The following TFCP2L1 variants were observed in gnomAD, a reference collection of about 807,000 sequenced individuals.
TFCP2L1 encodes the protein transcription factor CP2 like 1.
Under a neutral mutation model 72.2 loss-of-function variants are expected in TFCP2L1, and 12 were observed. The ratio of observed to expected loss-of-function variants is 0.17; its 90% CI spans 0.11 to 0.27. TFCP2L1 has a LOEUF of 0.27. Ranked by LOEUF, TFCP2L1 falls within the 10% of genes least tolerant of loss-of-function variation. The pLI, the probability that TFCP2L1 is intolerant of heterozygous loss-of-function variation, is 1.00. For missense variants in TFCP2L1, 488 were observed against 624.6 expected (o/e 0.78, Z 2.33); for synonymous variants, 260 against 251.0 (o/e 1.04, Z -0.34).
chr2:121,253,428 A>T (rs1207872007), intron 2 of TFCP2L1, among the ~76,000 whole-genome samples: 1 of 152,234 alleles, frequency 6.6e-6, no homozygotes, highest in Non-Finnish European at 1.5e-5. Flanking sequence ...CTGAACCAAG[A>T]GTCCAACACT....
chr2:121,258,944 T>C (rs1377500301), intron 2 of TFCP2L1, among the ~76,000 whole-genome samples: 2 of 152,212 alleles, frequency 1.3e-5, no homozygotes, highest in Admixed American at 6.5e-5. Flanking sequence ...TGCTAAAGTA[T>C]GACTAAGAGA....
At chr2:121,242,010 T>TG (rs2104689726) in intron 7 of TFCP2L1, among the ~76,000 whole-genome samples, 1 of 136,840 alleles carries the variant, frequency 7.3e-6, no homozygotes, top group Non-Finnish European at 1.5e-5. Flanking sequence ...GGGATGGCAC[T>TG]GGGAGGGATA....
Position 121,223,041 on chromosome 2 carries a change from G to T in TFCP2L1, c.*1300C>A, listed in dbSNP as rs1685956220. 6.6e-6 allele frequency: 1 copy of T among 152,148 alleles called. No individual in the cohort carries two copies. Among genetic ancestry groups the T allele is most frequent in the African/African-American group, 2.4e-5 (1 of 41,410 alleles). 9.4% of individuals were successfully genotyped at this position (152,148 alleles called of 1,614,324 possible). A position where few individuals can be genotyped will look rare whatever the true frequency, so the allele number is the denominator to read the frequency against. On this transcript the variant is annotated 3_prime_UTR_variant, in exon 15 of 15. Coordinates refer to ENST00000263707, the MANE Select transcript of TFCP2L1 (RefSeq NM_014553.3). The stretch of plus-strand genomic sequence containing the variant: ...CTTGGTTTCCTCATCTATAAAACAA[G>T]TTCTCCCCATTGTAGACCCTGTTTT...
intron 11 of TFCP2L1, 103 bp downstream of exon 11, chr2:121,235,118 C>A (rs914895378): frequency 2.3e-6 from 3 of 1,284,548 alleles, no homozygotes; most frequent in African/African-American, 1.5e-5. Flanking sequence ...TCCTGTCCCC[C>A]CAGCCAGACC....
chr2:121,279,832 A>C (rs1687219035), intron 2 of TFCP2L1, among the ~76,000 whole-genome samples: 1 of 152,180 alleles, frequency 6.6e-6, no homozygotes, highest in South Asian at 2.1e-4. Flanking sequence ...GGGGTATCAT[A>C]CCAGTCAGGG....
chr2:121,244,431 A>C (rs993269032), intron 6 of TFCP2L1, among the ~76,000 whole-genome samples: 2 of 152,196 alleles, frequency 1.3e-5, no homozygotes, highest in Non-Finnish European at 2.9e-5. Flanking sequence ...GGGGGCAGGC[A>C]GGTGGAAGGA....
intron 2 of TFCP2L1, among the ~76,000 whole-genome samples, chr2:121,257,818 A>ACTTC (rs1288775276): frequency 6.6e-6 from 1 of 152,072 alleles, no homozygotes; most frequent in African/African-American, 2.4e-5. Flanking sequence ...CTTCCTGTGG[A>ACTTC]CTTCCTTCCT....
intron 13 of TFCP2L1, among the ~76,000 whole-genome samples, chr2:121,228,884 T>C (rs1686086183): frequency 6.6e-6 from 1 of 150,644 alleles, no homozygotes; most frequent in African/African-American, 2.4e-5. Flanking sequence ...ATAAGATAAA[T>C]GTATGGCTGC....
At chr2:121,240,404 T>C (rs1686344742) in intron 7 of TFCP2L1, 1 of 985,308 alleles carries the variant, frequency 1.0e-6, no homozygotes, top group Non-Finnish European at 1.2e-6. Context: ...ATGATGCCTC[T>C]TCAGAGAGGG....
At chr2:121,262,518 G>A (rs1011929160) in intron 2 of TFCP2L1, among the ~76,000 whole-genome samples, 3 of 152,178 alleles carry the variant, frequency 2.0e-5, no homozygotes, top group East Asian at 1.9e-4. Context: ...TGAGGGTCCC[G>A]GAAGACAAGG....
At chr2:121,234,802 C>T (rs919370740) in intron 11 of TFCP2L1, among the ~76,000 whole-genome samples, 10 of 152,374 alleles carry the variant, frequency 6.6e-5, no homozygotes, top group South Asian at 4.1e-4. Context: ...TGCAGGACGG[C>T]GCTGCTCTGG....
intron 4 of TFCP2L1, 59 bp from the exon 5 acceptor site, chr2:121,248,329 G>A (rs1427586958): frequency 7.1e-7 from 1 of 1,400,086 alleles, no homozygotes; most frequent in Non-Finnish European, 9.9e-7. Flanking sequence ...AAATATTTAG[G>A]GAAAGACCCC....
chr2:121,255,871 TA>T (rs1686707334), intron 2 of TFCP2L1, among the ~76,000 whole-genome samples: 2 of 151,902 alleles, frequency 1.3e-5, no homozygotes, highest in Admixed American at 6.6e-5. Context: ...GGCTCCCGAG[TA>T]GCTGGGACTG....
intron 2 of TFCP2L1, among the ~76,000 whole-genome samples, chr2:121,279,737 C>A (rs73950925): frequency 6.6e-6 from 1 of 152,218 alleles, no homozygotes; most frequent in Admixed American, 6.5e-5. Flanking sequence ...CAAATTGCTA[C>A]GACACCGCAG....
At chr2:121,274,088 T>A (rs1456153181) in intron 2 of TFCP2L1, among the ~76,000 whole-genome samples, 3 of 144,664 alleles carry the variant, frequency 2.1e-5, no homozygotes, top group African/African-American at 7.8e-5. Context: ...AGCGAGACTC[T>A]GTCTCCAAAA....
chr2:121,263,926 T>G (rs1192693693), intron 2 of TFCP2L1, among the ~76,000 whole-genome samples: 1 of 152,090 alleles, frequency 6.6e-6, no homozygotes, highest in African/African-American at 2.4e-5. Context: ...TGCATTAACT[T>G]GCCAAAAAAT....
rs556460272 is a variant in TFCP2L1, at chr2:121,256,737, T to C, written c.215-7090A>G. ...GTTGCAGTGAGGCAAGATGGCGTCA[T>C]TGCACTCCAGCTGGGGCGACAAGAG... is the stretch of plus-strand genomic sequence containing the variant. On this transcript the variant is annotated intron_variant, in intron 2 of 14. Transcript: ENST00000263707. Among the ~76,000 whole-genome samples the C allele has an allele frequency of 1.0e-3, 151 of 151,650 alleles. 1 individual carries two copies. The highest frequency in any genetic ancestry group is 3.2e-3 in the African/African-American group (134 of 41,312).
intron 7 of TFCP2L1, 84 bp downstream of exon 7, chr2:121,242,275 G>C (rs1573369096): frequency 3.3e-6 from 4 of 1,220,806 alleles, no homozygotes; most frequent in South Asian, 2.4e-5. Context: ...CCCGAGATGG[G>C]CGATTTTCCA....
chr2:121,234,381 C>G (rs1558728528), intron 11 of TFCP2L1, 187 bp from the exon 12 acceptor site: 3 of 584,082 alleles, frequency 5.1e-6, no homozygotes, highest in Non-Finnish European at 6.1e-6. Context: ...AAGGGGCACT[C>G]TGCCCCAGAC....
Sources: allele counts gnomAD v4.1 joint callset (sites outside exome capture counted in the v4.1 genomes callset), GRCh38; gene constraint gnomAD v4.1.1; transcripts MANE v1.5; gene names NCBI Gene and HGNC (gene_info 2026-07-23, HGNC 2026-07-21).